Variants in PLA1A observed in about 807,000 individuals in gnomAD.
The protein encoded by PLA1A is phospholipase A1 member A.
A neutral mutation model predicts 49.4 loss-of-function variants in PLA1A; 47 were observed. That is an observed-to-expected ratio of 0.95 (90% CI 0.75 to 1.21). PLA1A has a LOEUF of 1.21. Among genes scored for constraint, PLA1A ranks in the 50% most tolerant of loss-of-function variants. The pLI, the probability that PLA1A is intolerant of heterozygous loss-of-function variation, is 0.00. For missense variants in PLA1A, 561 were observed against 563.9 expected (o/e 0.99, Z 0.05); for synonymous variants, 224 against 207.9 (o/e 1.08, Z -0.67).
intron 2 of PLA1A, among the ~76,000 whole-genome samples, chr3:119,608,467 G>T (rs773025857): frequency 5.9e-5 from 9 of 152,202 alleles, no homozygotes; most frequent in Non-Finnish European, 1.3e-4. Flanking sequence ...AAAGGTGCCT[G>T]ACAAAAGGCT....
intron 2 of PLA1A, 102 bp downstream of exon 2, chr3:119,607,077 A>T: frequency 1.1e-6 from 1 of 903,270 alleles, no homozygotes; most frequent in South Asian, 1.4e-5. Context: ...TGAATTTACC[A>T]ATGGCCACAT....
intron 1 of PLA1A, among the ~76,000 whole-genome samples, chr3:119,606,411 C>A (rs1457065129): frequency 6.6e-6 from 1 of 152,160 alleles, no homozygotes; most frequent in African/African-American, 2.4e-5. Context: ...TGTGAAGACC[C>A]CATCTCCAAA....
At chr3:119,619,179 C>T (rs1006284405) in intron 7 of PLA1A, among the ~76,000 whole-genome samples, 7 of 152,238 alleles carry the variant, frequency 4.6e-5, no homozygotes, top group African/African-American at 1.7e-4. Flanking sequence ...CTCTCTCCAC[C>T]TGTCATCCAC....
chr3:119,615,921 G>C (rs866684955), intron 5 of PLA1A, 91 bp from the exon 6 acceptor site: 2 of 747,570 alleles, frequency 2.7e-6, no homozygotes, highest in Non-Finnish European at 4.9e-6. Context: ...ACGTGGCAGA[G>C]AGTGGGTGGG....
intron 2 of PLA1A, chr3:119,607,192 G>C: frequency 1.8e-6 from 1 of 563,240 alleles, no homozygotes; most frequent in South Asian, 2.0e-5. Flanking sequence ...ACCCAGTCTT[G>C]TCTACACACT....
intron 1 of PLA1A, among the ~76,000 whole-genome samples, chr3:119,601,333 C>T (rs1007367975): frequency 2.0e-5 from 3 of 152,164 alleles, no homozygotes; most frequent in African/African-American, 2.4e-5. Flanking sequence ...GCAGCCCAGG[C>T]GGGTGAAGGG....
chr3:119,617,921 C>A, intron 6 of PLA1A, 98 bp from the exon 7 acceptor site: 2 of 919,664 alleles, frequency 2.2e-6, no homozygotes, highest in Non-Finnish European at 3.3e-6. Context: ...CATGTATTTA[C>A]AGCTTGCTGG....
At chr3:119,629,164 C>T (rs1301748664) in intron 10 of PLA1A, among the ~76,000 whole-genome samples, 3 of 152,210 alleles carry the variant, frequency 2.0e-5, no homozygotes, top group African/African-American at 7.2e-5. Context: ...GGGTCACATT[C>T]ATGGGTGTGG....
At chr3:119,620,197 C>T (rs149636583) in intron 8 of PLA1A, 3 of 455,976 alleles carry the variant, frequency 6.6e-6, no homozygotes, top group African/African-American at 6.0e-5. Flanking sequence ...AAATACATTA[C>T]AAGCTAAACC....
intron 6 of PLA1A, 33 bp downstream of exon 6, chr3:119,616,134 A>G (rs749169736): frequency 1.4e-6 from 2 of 1,411,200 alleles, no homozygotes; most frequent in Admixed American, 1.7e-5. Flanking sequence ...GTATTTGGCA[A>G]CCCCGGAGAT....
chr3:119,629,371 T>C lies in PLA1A; in HGVS notation c.1287-13T>C, dbSNP rs1330406564. On this transcript the variant is annotated splice_polypyrimidine_tract_variant and intron_variant, in intron 10 of 10. Transcript: ENST00000273371. ...TCACCAGCCACTGCTCTCTTATTGC[T>C]CTTCTCTTCCAGAGAAAAGATGGTC... 1 of 1,543,584 alleles carries C rather than the reference T, an allele frequency of 6.5e-7. No homozygotes were observed.
At chr3:119,601,320 T>C (rs555030538) in intron 1 of PLA1A, among the ~76,000 whole-genome samples, 2 of 152,164 alleles carry the variant, frequency 1.3e-5, no homozygotes, top group Admixed American at 1.3e-4. Context: ...ATGGGAACCA[T>C]GAGCAGCCCA....
intron 6 of PLA1A, among the ~76,000 whole-genome samples, chr3:119,617,026 A>G (rs1300414639): frequency 2.6e-5 from 4 of 152,248 alleles, no homozygotes; most frequent in African/African-American, 9.6e-5. Flanking sequence ...CCTTGGTTGC[A>G]GGTCTCAGCA....
chr3:119,616,286 G>C (rs2082847725), intron 6 of PLA1A, among the ~76,000 whole-genome samples, 185 bp downstream of exon 6: 1 of 152,224 alleles, frequency 6.6e-6, no homozygotes, highest in African/African-American at 2.4e-5. Flanking sequence ...AGGCATTTGA[G>C]GGGAGGGTGT....
chr3:119,609,364 T>A, intron 3 of PLA1A, 104 bp from the exon 4 acceptor site: 1 of 797,504 alleles, frequency 1.3e-6, no homozygotes, highest in Non-Finnish European at 2.3e-6. Flanking sequence ...GGTGGGTGTG[T>A]CATGCCCAGG....
rs181620961 is a variant in PLA1A at position 119,614,331 on chromosome 3, T to C, written c.664+1213T>C. Among the ~76,000 whole-genome samples the C allele has an allele frequency of 2.7e-3, 417 of 152,028 alleles. 1 individual carries two copies. Among genetic ancestry groups the C allele is most frequent in the African/African-American group, 8.6e-3 (357 of 41,474 alleles). ...TTAAAAAGTGAATCCTGGTCGGGCG[T>C]GGTGGCTCACACCTGTAATCCCAGC... On this transcript the variant is annotated intron_variant, in intron 5 of 10. Transcript: ENST00000273371.
At chr3:119,613,786 T>G (rs1320027994) in intron 5 of PLA1A, among the ~76,000 whole-genome samples, 3 of 151,906 alleles carry the variant, frequency 2.0e-5, no homozygotes, top group Non-Finnish European at 4.4e-5. Context: ...CCAGCTACTC[T>G]GGAGGCTGAG....
chr3:119,622,555 A>T (rs1259238863), intron 8 of PLA1A, among the ~76,000 whole-genome samples: 1 of 152,230 alleles, frequency 6.6e-6, no homozygotes, highest in Non-Finnish European at 1.5e-5. Context: ...CAGGGAGCTC[A>T]GATGGGCCAT....
At chr3:119,611,325 T>A (rs1001063175) in intron 4 of PLA1A, among the ~76,000 whole-genome samples, 6 of 152,214 alleles carry the variant, frequency 3.9e-5, no homozygotes, top group Non-Finnish European at 8.8e-5. Context: ...CATATGAATT[T>A]TAGAATAGAT....
Sources: gnomAD v4.1 joint callset for allele counts (sites outside exome capture counted in the v4.1 genomes callset) on GRCh38, gnomAD v4.1.1 for gene constraint, MANE v1.5 for transcripts, NCBI Gene and HGNC (gene_info 2026-07-23, HGNC 2026-07-21) for gene names.